Variants in PLEKHA7 observed in about 807,000 individuals in gnomAD.
PLEKHA7 encodes the protein pleckstrin homology domain containing A7, also known as pleckstrin homology domain-containing family A member 7.
A neutral mutation model predicts 170.0 loss-of-function variants in PLEKHA7; 104 were observed. The observed-to-expected ratio is 0.61, with a 90% CI of 0.52 to 0.72. PLEKHA7 has a LOEUF of 0.72. Among genes scored for constraint, PLEKHA7 ranks in the 30% least tolerant of loss-of-function variants. The probability of loss-of-function intolerance (pLI) is 0.00; values close to 1 mark genes in which losing one functional copy is unlikely to be tolerated. For synonymous variants in PLEKHA7, 648 were observed against 660.8 expected (o/e 0.98, Z 0.30); for missense variants, 1,615 against 1,671.7 (o/e 0.97, Z 0.59).
chr11:16,785,490 G>C (rs1318621164), intron 24 of PLEKHA7, among the ~76,000 whole-genome samples: 1 of 152,218 alleles, frequency 6.6e-6, no homozygotes, highest in Non-Finnish European at 1.5e-5. Context: ...GGGATACAAA[G>C]GTGAACCAAG....
chr11:16,988,583 A>C (rs1267692616), intron 3 of PLEKHA7, among the ~76,000 whole-genome samples: 1 of 152,154 alleles, frequency 6.6e-6, no homozygotes, highest in Non-Finnish European at 1.5e-5. Context: ...AGTAGCTGGA[A>C]TTACAGGCAC....
chr11:16,980,662 C>A (rs958459193), intron 3 of PLEKHA7, among the ~76,000 whole-genome samples: 2 of 152,108 alleles, frequency 1.3e-5, no homozygotes, highest in African/African-American at 4.8e-5. Context: ...GTGGCTCACA[C>A]CTATAATCCC....
intron 17 of PLEKHA7, 104 bp downstream of exon 17, chr11:16,800,870 C>A: frequency 3.1e-6 from 3 of 953,412 alleles, no homozygotes; most frequent in East Asian, 4.8e-5. Flanking sequence ...GGGAGAAGGA[C>A]TCTGAGCAGT....
chr11:16,987,832 T>C (rs532051936), intron 3 of PLEKHA7, among the ~76,000 whole-genome samples: 67 of 152,316 alleles, frequency 4.4e-4, no homozygotes, highest in African/African-American at 1.5e-3. Context: ...GGCAGAGGAT[T>C]CTTTTACTCA....
intron 3 of PLEKHA7, among the ~76,000 whole-genome samples, chr11:16,888,403 G>A (rs1012502876): frequency 1.3e-5 from 2 of 152,264 alleles, no homozygotes; most frequent in Admixed American, 1.3e-4. Context: ...TGAGTAGACG[G>A]GGGGGAAATG....
chr11:16,941,804 T>G (rs570550588), intron 3 of PLEKHA7, among the ~76,000 whole-genome samples: 2 of 152,298 alleles, frequency 1.3e-5, no homozygotes, highest in Non-Finnish European at 2.9e-5. Flanking sequence ...CAGACTACTA[T>G]GTCAAAACCT....
rs1394267048 is a variant in PLEKHA7, at chr11:16,791,164, T to C, written c.2781A>G (p.Glu927=). 1 of 1,608,058 alleles carries C rather than the reference T, an allele frequency of 6.2e-7. No individual in the cohort carries two copies. ...GGGGCTGGTCCTCTGGGCTGTAGAG[T>C]TCGGGGAGTGGGGGCCTGGGAGGTG... The part of the protein sequence containing the change: ...DEAPPRPPLP[E]LYSPEDQPPA... Residue 927 remains glutamate (E), a synonymous_variant, in exon 20 of 27, where the codon GAA becomes GAG. Coordinates refer to ENST00000531066, the MANE Select transcript of PLEKHA7 (RefSeq NM_001329630.2). The surrounding 1 kb of genome is among the most constrained non-coding windows in gnomAD (Gnocchi z 4.5).
chr11:16,803,218 C>T lies in PLEKHA7; in HGVS notation c.2076+9G>A, dbSNP rs1216341673. 2 of 1,612,308 alleles carry T rather than the reference C, an allele frequency of 1.2e-6. No homozygotes were observed. Among genetic ancestry groups the T allele is most frequent in the East Asian group, 2.2e-5 (1 of 44,870 alleles). On this transcript the variant is annotated intron_variant, in intron 14 of 26. Coordinates refer to ENST00000531066, the MANE Select transcript of PLEKHA7 (RefSeq NM_001329630.2). Reference sequence around the variant, plus strand: ...GCTGAGGGGTCAGCGTGTCACTCTGCTCACTCACGTCAGTGTCGCTCTCAG... The same window carrying T: ...GCTGAGGGGTCAGCGTGTCACTCTGTTCACTCACGTCAGTGTCGCTCTCAG...
At chr11:16,806,485 A>T (rs1848997196) in intron 13 of PLEKHA7, among the ~76,000 whole-genome samples, 1 of 152,204 alleles carries the variant, frequency 6.6e-6, no homozygotes, top group Admixed American at 6.5e-5. Context: ...AGGGGAATCA[A>T]AGGCCACCCA....
chr11:16,863,906 G>A (rs1854181102), intron 4 of PLEKHA7, among the ~76,000 whole-genome samples: 2 of 152,186 alleles, frequency 1.3e-5, no homozygotes, highest in African/African-American at 4.8e-5. Context: ...CTGGAAATTA[G>A]GCCCCAAGAT....
intron 3 of PLEKHA7, among the ~76,000 whole-genome samples, chr11:16,936,844 C>T (rs1860337567): frequency 6.6e-6 from 1 of 152,226 alleles, no homozygotes; most frequent in Admixed American, 6.5e-5. Context: ...CCAGAAATAC[C>T]TTTGCTGAGC....
chr11:16,887,146 A>C (rs1467227032), intron 3 of PLEKHA7, among the ~76,000 whole-genome samples: 1 of 152,094 alleles, frequency 6.6e-6, no homozygotes, highest in African/African-American at 2.4e-5. Context: ...TGGAAATGAA[A>C]ATTTCATTGA....
chr11:16,901,296 C>G (rs1857319727), intron 3 of PLEKHA7, among the ~76,000 whole-genome samples: 1 of 152,312 alleles, frequency 6.6e-6, no homozygotes, highest in South Asian at 2.1e-4. Context: ...TAAATCAGCT[C>G]TAGGCTCACC....
intron 10 of PLEKHA7, among the ~76,000 whole-genome samples, chr11:16,824,958 A>G (rs750050363): frequency 6.6e-6 from 1 of 152,198 alleles, no homozygotes; most frequent in Non-Finnish European, 1.5e-5. Flanking sequence ...TGTTTTATTA[A>G]TAAGACACAA....
At chr11:16,944,952 G>A (rs1860933267) in intron 3 of PLEKHA7, among the ~76,000 whole-genome samples, 2 of 152,078 alleles carry the variant, frequency 1.3e-5, no homozygotes, top group Admixed American at 1.3e-4. Context: ...AGGATCAGAG[G>A]AGTTCACTTT....
Position 16,778,773 on chromosome 11 carries a change from CA to C in PLEKHA7, c.*224del. 1 of 595,482 alleles carries C rather than the reference CA, an allele frequency of 1.7e-6. No homozygotes were observed. The highest frequency in any genetic ancestry group is 3.0e-6 in the Non-Finnish European group (1 of 333,118). The allele number at this position is 595,482 out of a possible 1,614,324, so 36.9% of individuals were successfully genotyped here. On this transcript the variant is annotated 3_prime_UTR_variant, in exon 27 of 27. Transcript: ENST00000531066. ...ATACAGTGTATTTTACAGTGTATAT[CA>C]AAAGTGCCTTTGCCATTCATATGTA... is the stretch of plus-strand genomic sequence containing the variant.
At chr11:16,788,185 G>A (rs944590250) in intron 23 of PLEKHA7, 4 of 152,468 alleles carry the variant, frequency 2.6e-5, no homozygotes, top group African/African-American at 9.7e-5. Flanking sequence ...CTTGTGGGGT[G>A]GCTTTTGGGA....
At chr11:16,970,754 A>C (rs1282670293) in intron 3 of PLEKHA7, among the ~76,000 whole-genome samples, 1 of 152,220 alleles carries the variant, frequency 6.6e-6, no homozygotes. Context: ...TGTCTATAAC[A>C]GATTAGTTAA....
chr11:16,891,569 G>A (rs891463177), intron 3 of PLEKHA7, among the ~76,000 whole-genome samples: 2 of 152,158 alleles, frequency 1.3e-5, no homozygotes, highest in African/African-American at 2.4e-5. Flanking sequence ...TTAGTTTAGT[G>A]GCTTTGATTT....
Sources: gnomAD v4.1 joint callset for allele counts (sites outside exome capture counted in the v4.1 genomes callset) on GRCh38, gnomAD v4.1.1 for gene constraint, Gnocchi (gnomAD v3.1) non-coding constraint, MANE v1.5 for transcripts, NCBI Gene and HGNC (gene_info 2026-07-23, HGNC 2026-07-21) for gene names.